The following DDX60L variants were observed in gnomAD, a reference collection of about 807,000 sequenced individuals.
DDX60L encodes DExD/H-box 60 like.
DDX60L carries 191 observed loss-of-function variants against 211.6 expected under a neutral mutation model. The observed-to-expected ratio is 0.90, with a 90% confidence interval of 0.80 to 1.02. The LOEUF (loss-of-function observed/expected upper bound fraction) is 1.02. DDX60L is among the 50% of genes least tolerant of loss of function. The pLI is 0.00. For missense variants in DDX60L, 2,007 were observed against 1,984.1 expected (o/e 1.01, Z -0.22); for synonymous variants, 706 against 694.1 (o/e 1.02, Z -0.27).
chr4:168,452,514 A>C (rs920612650), intron 8 of DDX60L, among the ~76,000 whole-genome samples: 2 of 152,348 alleles, frequency 1.3e-5, no homozygotes, highest in Admixed American at 1.3e-4. Flanking sequence ...TGCCTGTATC[A>C]AAACATCTAA....
At chr4:168,395,827 CAA>C (rs1745662055) in intron 27 of DDX60L, 130 bp downstream of exon 27, 2 of 672,160 alleles carry the variant, frequency 3.0e-6, no homozygotes, top group Non-Finnish European at 4.9e-6. Context: ...GCAAAACAAA[CAA>C]AATCACACAC....
At chr4:168,478,330 G>A (rs971977048) in intron 1 of DDX60L, among the ~76,000 whole-genome samples, 3 of 152,128 alleles carry the variant, frequency 2.0e-5, no homozygotes, top group Non-Finnish European at 2.9e-5. Flanking sequence ...ATGAACTTAA[G>A]ACAGATTATG....
intron 34 of DDX60L, among the ~76,000 whole-genome samples, chr4:168,374,241 T>A (rs915558885): frequency 2.6e-5 from 4 of 152,098 alleles, no homozygotes; most frequent in African/African-American, 9.7e-5. Context: ...ACTCCCATCA[T>A]CTTTTCTCTG....
chr4:168,477,423 A>AAAAAGTG (rs1759729693), intron 1 of DDX60L, among the ~76,000 whole-genome samples: 1 of 152,156 alleles, frequency 6.6e-6, no homozygotes, highest in South Asian at 2.1e-4. Context: ...TAAAAAAAAA[A>AAAAAGTG]AAAAGTGAAA....
intron 22 of DDX60L, among the ~76,000 whole-genome samples, chr4:168,412,785 G>A (rs1309924072): frequency 1.3e-5 from 2 of 152,232 alleles, no homozygotes; most frequent in African/African-American, 2.4e-5. Context: ...CCACAGGGAT[G>A]CTATGTTGCT....
At chr4:168,437,866 T>G in intron 10 of DDX60L, among the ~76,000 whole-genome samples, 1 of 63,804 alleles carries the variant, frequency 1.6e-5, no homozygotes, top group African/African-American at 3.5e-5. Context: ...GGGGTTTTTT[T>G]TTGGGTTTTT....
rs778730508 is a variant in DDX60L, at chr4:168,453,302, T to C, written c.838-20A>G. ...GTGCACCTGCGTACAATAAAGAAGA[T>C]GAGAACAGTCACAATGTCACGCTGT... On this transcript the variant is annotated intron_variant, in intron 7 of 37. Transcript: ENST00000682922. 6.3e-7 allele frequency: 1 copy of C among 1,598,774 alleles called. No individual in the cohort carries two copies. The highest frequency in any genetic ancestry group is 2.2e-5 in the East Asian group (1 of 44,472).
intron 36 of DDX60L, among the ~76,000 whole-genome samples, chr4:168,362,287 A>T (rs1218931481): frequency 2.0e-5 from 3 of 152,014 alleles, no homozygotes; most frequent in Non-Finnish European, 4.4e-5. Flanking sequence ...CAGTCCCACT[A>T]CACATGCACT....
chr4:168,361,780 C>T (rs1739151518), intron 36 of DDX60L, among the ~76,000 whole-genome samples: 1 of 152,170 alleles, frequency 6.6e-6, no homozygotes, highest in Admixed American at 6.5e-5. Context: ...GCAGTTCTTG[C>T]TACAAGAGAG....
intron 34 of DDX60L, among the ~76,000 whole-genome samples, chr4:168,374,624 C>T (rs776386763): frequency 6.6e-6 from 1 of 152,192 alleles, no homozygotes; most frequent in Non-Finnish European, 1.5e-5. Flanking sequence ...GTAGAAGCCA[C>T]TAGCACTGGA....
intron 20 of DDX60L, among the ~76,000 whole-genome samples, chr4:168,416,230 T>G (rs1342488316): frequency 6.6e-6 from 1 of 152,206 alleles, no homozygotes; most frequent in Admixed American, 6.5e-5. Flanking sequence ...GTGTCCCAGT[T>G]ATTTCCATTT....
At position 168,358,123 on chromosome 4, in the gene DDX60L, C is replaced by G. The variant is rs372247620; in HGVS notation, c.*24G>C. ...TGCAAAGGGATAAATACCACATAAT[C>G]AGACTTGAAAGTTTTCCATGGTGTT... On this transcript the variant is annotated 3_prime_UTR_variant, in exon 38 of 38. Coordinates refer to ENST00000682922, the MANE Select transcript of DDX60L (RefSeq NM_001012967.3). 1.9e-6 allele frequency: 3 copies of G among 1,596,572 alleles called. No individual in the cohort carries two copies. In the African/African-American group the frequency reaches 4.0e-5, roughly 22 times the overall value.
intron 9 of DDX60L, among the ~76,000 whole-genome samples, chr4:168,447,995 A>T (rs571287664): frequency 4.3e-4 from 65 of 151,754 alleles, no homozygotes; most frequent in South Asian, 8.4e-4. Context: ...AACCTGCACA[A>T]TGTGCACATG....
intron 9 of DDX60L, among the ~76,000 whole-genome samples, chr4:168,447,457 T>C (rs1363114444): frequency 2.0e-5 from 3 of 151,604 alleles, no homozygotes; most frequent in Non-Finnish European, 4.4e-5. Context: ...GTTCAACCAT[T>C]GTGGAAGTCA....
chr4:168,410,305 G>A (rs1748465266), intron 22 of DDX60L, among the ~76,000 whole-genome samples: 1 of 152,170 alleles, frequency 6.6e-6, no homozygotes, highest in South Asian at 2.1e-4. Flanking sequence ...AGACATGGAA[G>A]ACGAATAGAA....
At position 168,357,041 on chromosome 4, in the gene DDX60L, G is replaced by C. The variant is rs1190081533; in HGVS notation, c.*1106C>G. 6.6e-6 allele frequency: 1 copy of C among 152,112 alleles called. No individual in the cohort carries two copies. Among genetic ancestry groups the C allele is most frequent in the East Asian group, 1.9e-4 (1 of 5,188 alleles). The allele number at this position is 152,112 out of a possible 1,614,324, so 9.4% of individuals were successfully genotyped here. A position where few individuals can be genotyped will look rare whatever the true frequency, so the allele number is the denominator to read the frequency against. On this transcript the variant is annotated 3_prime_UTR_variant, in exon 38 of 38. Transcript: ENST00000682922. ...TTAAAGGTTTGTTTTTGTTATGGTT[G>C]CTGTTTGTTCCCTTATGTTTGTTTG...
chr4:168,422,471 G>T, intron 16 of DDX60L, 53 bp downstream of exon 16: 1 of 1,535,360 alleles, frequency 6.5e-7, no homozygotes, highest in Non-Finnish European at 8.8e-7. Flanking sequence ...ACACAGTAAT[G>T]AAAAGTTCTG....
At chr4:168,420,199 A>G in intron 18 of DDX60L, 62 bp downstream of exon 18, 1 of 1,331,998 alleles carries the variant, frequency 7.5e-7, no homozygotes. Context: ...ATTCCCAGCA[A>G]AACAGTTATA....
At chr4:168,431,648 C>T (rs949716964) in intron 12 of DDX60L, among the ~76,000 whole-genome samples, 2 of 151,750 alleles carry the variant, frequency 1.3e-5, no homozygotes, top group Non-Finnish European at 2.9e-5. Flanking sequence ...CACATGTATA[C>T]ATATGTAACT....
Sources: gnomAD v4.1 joint callset for allele counts (sites outside exome capture counted in the v4.1 genomes callset) on GRCh38, gnomAD v4.1.1 for gene constraint, MANE v1.5 for transcripts, NCBI Gene and HGNC (gene_info 2026-07-23, HGNC 2026-07-21) for gene names.